Variants in PRELID2 observed in about 807,000 individuals in gnomAD.
The protein encoded by PRELID2 is PRELI domain-containing protein 2.
In PRELID2, 25 loss-of-function variants were observed where a neutral mutation model predicts 28.4. The observed-to-expected ratio is 0.88, with a 90% confidence interval of 0.64 to 1.23. The LOEUF (loss-of-function observed/expected upper bound fraction) is 1.23. Ranked by LOEUF, PRELID2 falls within the 50% of genes most tolerant of loss-of-function variation. The probability of loss-of-function intolerance (pLI) is 0.00; values close to 1 mark genes in which losing one functional copy is unlikely to be tolerated. For synonymous variants in PRELID2, 76 were observed against 71.6 expected, an observed-to-expected ratio of 1.06 and a Z score of -0.31; for missense variants, 201 against 214.4, an observed-to-expected ratio of 0.94 and a Z score of 0.39.
chr5:145,286,702 G>GT, the PRELID2 span, among the ~76,000 whole-genome samples: 1,285 of 96,562 alleles, frequency 0.013, 16 homozygotes, highest in East Asian at 0.033. Context: ...AGAAGTTTTT[G>GT]TTTTTTTTTG....
chr5:145,503,241 A>G (rs149828225), intron 1 of PRELID2, among the ~76,000 whole-genome samples: 72 of 152,232 alleles, frequency 4.7e-4, no homozygotes, highest in Non-Finnish European at 8.8e-4. Context: ...TCTACTTTGC[A>G]AAGTTCATGA....
At chr5:145,280,221 G>A in the PRELID2 span, among the ~76,000 whole-genome samples, 1 of 152,016 alleles carries the variant, frequency 6.6e-6, no homozygotes, top group South Asian at 2.1e-4. Flanking sequence ...TGAGGGGGTG[G>A]GAATTGTTAT....
the PRELID2 span, among the ~76,000 whole-genome samples, chr5:145,456,892 A>G: frequency 3.3e-5 from 5 of 152,348 alleles, no homozygotes; most frequent in East Asian, 3.9e-4. Flanking sequence ...GCTGACATTC[A>G]AAGAGAATTA....
At chr5:145,386,120 C>A in the PRELID2 span, among the ~76,000 whole-genome samples, 1 of 151,966 alleles carries the variant, frequency 6.6e-6, no homozygotes, top group Non-Finnish European at 1.5e-5. Flanking sequence ...CCTCAGGAAA[C>A]TTACAATCAT....
chr5:145,460,227 T>C, the PRELID2 span, among the ~76,000 whole-genome samples: 8 of 152,226 alleles, frequency 5.3e-5, no homozygotes, highest in African/African-American at 4.8e-5. Context: ...TGGCCATACG[T>C]TTCAGGTTGG....
chr5:145,459,818 T>TA, the PRELID2 span, among the ~76,000 whole-genome samples: 1 of 151,686 alleles, frequency 6.6e-6, no homozygotes, highest in Non-Finnish European at 1.5e-5. Context: ...ATTTAATTTT[T>TA]TTTTTTTTTT....
intron 1 of PRELID2, among the ~76,000 whole-genome samples, chr5:145,712,148 G>A (rs1408008008): frequency 2.0e-5 from 3 of 152,212 alleles, no homozygotes; most frequent in Non-Finnish European, 2.9e-5. Context: ...TGGCTTGAAA[G>A]AGCTGATTGT....
chr5:145,820,103 TTTTTTG>T, intron 2 of PRELID2, 85 bp from the exon 3 acceptor site: 3 of 556,362 alleles, frequency 5.4e-6, no homozygotes, highest in East Asian at 6.0e-5. Flanking sequence ...GGGGTGGGGT[TTTTTTG>T]TTTTTTGTTT....
intron 1 of PRELID2, among the ~76,000 whole-genome samples, chr5:145,668,931 T>C: frequency 6.6e-6 from 1 of 152,106 alleles, no homozygotes; most frequent in African/African-American, 2.4e-5. Context: ...AAAGTTCTTT[T>C]CTATTTCTCA....
chr5:145,693,150 CTTTT>C (rs747936867), intron 1 of PRELID2, among the ~76,000 whole-genome samples: 1 of 141,670 alleles, frequency 7.1e-6, no homozygotes. Flanking sequence ...ATAAATAAAT[CTTTT>C]TTTTTTTTTT....
chr5:145,639,124 C>T (rs993437790), intron 1 of PRELID2, among the ~76,000 whole-genome samples: 3 of 152,106 alleles, frequency 2.0e-5, no homozygotes, highest in African/African-American at 7.2e-5. Context: ...TTTAGAAGAC[C>T]ACTTACAAAG....
At chr5:145,415,237 T>TG in the PRELID2 span, among the ~76,000 whole-genome samples, 1 of 152,156 alleles carries the variant, frequency 6.6e-6, no homozygotes, top group African/African-American at 2.4e-5. Flanking sequence ...CTCTTTTTTT[T>TG]GTTGTTGGTT....
At chr5:145,474,607 C>T (rs188010462) in intron 1 of PRELID2, among the ~76,000 whole-genome samples, 25 of 152,214 alleles carry the variant, frequency 1.6e-4, no homozygotes, top group Admixed American at 3.3e-4. Flanking sequence ...CTAAGCAGTC[C>T]TGATCATAAT....
chr5:145,724,372 G>A (rs1439183448), intron 1 of PRELID2, among the ~76,000 whole-genome samples: 1 of 151,330 alleles, frequency 6.6e-6, no homozygotes, highest in Non-Finnish European at 1.5e-5. Context: ...AATCCTGAGG[G>A]TCTGAGATAA....
chr5:145,703,375 G>A (rs1242385118), intron 1 of PRELID2, among the ~76,000 whole-genome samples: 1 of 152,138 alleles, frequency 6.6e-6, no homozygotes, highest in Non-Finnish European at 1.5e-5. Flanking sequence ...CCCTTCCATA[G>A]GGATTGTTCC....
chr5:145,377,542 T>G, the PRELID2 span, among the ~76,000 whole-genome samples: 1,401 of 152,312 alleles, frequency 9.2e-3, 18 homozygotes, highest in East Asian at 0.044. Flanking sequence ...ATGAATCTGG[T>G]TGCTCCTGTG....
chr5:145,405,256 A>G, the PRELID2 span, among the ~76,000 whole-genome samples: 2 of 152,162 alleles, frequency 1.3e-5, no homozygotes, highest in Admixed American at 1.3e-4. Flanking sequence ...AAAACCTATT[A>G]CATACAAGTA....
chr5:145,433,835 G>A, the PRELID2 span, among the ~76,000 whole-genome samples: 1 of 152,118 alleles, frequency 6.6e-6, no homozygotes, highest in African/African-American at 2.4e-5. Flanking sequence ...CTGTATCTAT[G>A]TTGTCTTGAG....
intron 1 of PRELID2, among the ~76,000 whole-genome samples, chr5:145,591,704 T>C (rs1399344605): frequency 6.6e-6 from 1 of 152,164 alleles, no homozygotes; most frequent in Non-Finnish European, 1.5e-5. Context: ...AAGCTGACCA[T>C]CCCTGCTATG....
Sources: allele counts gnomAD v4.1 joint callset (sites outside exome capture counted in the v4.1 genomes callset), GRCh38; gene constraint gnomAD v4.1.1; transcripts MANE v1.5; gene names NCBI Gene and HGNC (gene_info 2026-07-23, HGNC 2026-07-21).